The following UBN1 variants were observed in gnomAD, a reference collection of about 807,000 sequenced individuals.
UBN1 encodes ubinuclein 1, also known as ubinuclein-1.
Under a neutral mutation model 108.5 loss-of-function variants are expected in UBN1, and 17 were observed. The ratio of observed to expected loss-of-function variants is 0.16; its 90% CI spans 0.11 to 0.24. The LOEUF is 0.24. Among genes scored for constraint, UBN1 ranks in the 10% least tolerant of loss-of-function variants. UBN1 has a pLI of 1.00. For missense variants in UBN1, 1,595 were observed against 1,394.4 expected, an observed-to-expected ratio of 1.14 and a Z score of -2.29; for synonymous variants, 726 against 564.2, an observed-to-expected ratio of 1.29 and a Z score of -4.07.
chr16:4,868,091 A>G (rs554691633), intron 7 of UBN1, among the ~76,000 whole-genome samples: 3 of 152,270 alleles, frequency 2.0e-5, no homozygotes, highest in East Asian at 3.9e-4. Flanking sequence ...GGGAATTCCA[A>G]TATGCAACCA....
rs753003762 is a variant in UBN1, at chr16:4,874,405, G to A, written c.1995G>A (p.Leu665=). The change falls in exon 15 of 18, where the codon TTG becomes TTA. Residue 665 remains leucine (L), a synonymous_variant. Coordinates refer to ENST00000262376, the MANE Select transcript of UBN1 (RefSeq NM_001079514.3). ...TGGAGGACTCATTGGATGAAGACTT[G>A]ATCCGCAATCCAGCCTCCTCGGTGG... is the stretch of plus-strand genomic sequence containing the variant. ...VNLEDSLDED[L]IRNPASSVEA... 3.7e-6 allele frequency: 6 copies of A among 1,613,904 alleles called. No individual in the cohort carries two copies. The highest frequency in any genetic ancestry group is 1.6e-4 in the Middle Eastern group (1 of 6,084).
At chr16:4,873,001 A>C in intron 13 of UBN1, 30 bp from the exon 14 acceptor site, 1 of 1,614,166 alleles carries the variant, frequency 6.2e-7, no homozygotes, top group South Asian at 1.1e-5. Context: ...GATATTCTCT[A>C]AACTTTTCTG....
intron 7 of UBN1, among the ~76,000 whole-genome samples, chr16:4,862,897 G>T (rs888914229): frequency 6.6e-6 from 1 of 152,220 alleles, no homozygotes; most frequent in African/African-American, 2.4e-5. Flanking sequence ...ACAAACACAG[G>T]GTTCAGGATC....
At chr16:4,869,828 G>A (rs550566082) in intron 8 of UBN1, among the ~76,000 whole-genome samples, 1 of 152,256 alleles carries the variant, frequency 6.6e-6, no homozygotes, top group East Asian at 1.9e-4. Context: ...ATAAACGTGG[G>A]GACTGGGGGA....
intron 8 of UBN1, among the ~76,000 whole-genome samples, chr16:4,869,369 G>A (rs1467098545): frequency 6.6e-6 from 1 of 152,234 alleles, no homozygotes; most frequent in South Asian, 2.1e-4. Context: ...CCCTAATGCT[G>A]TTCCCACATG....
At chr16:4,850,126 T>A (rs1313722718) in intron 1 of UBN1, among the ~76,000 whole-genome samples, 1 of 152,160 alleles carries the variant, frequency 6.6e-6, no homozygotes, top group Non-Finnish European at 1.5e-5. Context: ...CATTGTTAAA[T>A]ATATTGGATT....
intron 7 of UBN1, among the ~76,000 whole-genome samples, chr16:4,868,120 C>T (rs2087426319): frequency 6.6e-6 from 1 of 152,206 alleles, no homozygotes; most frequent in Non-Finnish European, 1.5e-5. Flanking sequence ...AACCCTGATG[C>T]AGACTTCCAC....
At position 4,852,217 on chromosome 16, in the gene UBN1, C is replaced by G. The variant is rs1056888595; in HGVS notation, c.-39-662C>G. On this transcript the variant is annotated intron_variant, in intron 1 of 17. Transcript: ENST00000262376. Reference sequence around the variant, plus strand: ...TGGCATGTATTAGCATATTCATATTCTGTGAACATTTGGAATTCTGTATTC... The same window carrying G: ...TGGCATGTATTAGCATATTCATATTGTGTGAACATTTGGAATTCTGTATTC... The G allele has an allele frequency of 1.1e-4, 17 of 152,238 alleles. 1 individual carries two copies. Among genetic ancestry groups the G allele is most frequent in the African/African-American group, 4.1e-4 (17 of 41,456 alleles). The allele number at this position is 152,238 out of a possible 1,614,324, so 9.4% of individuals were successfully genotyped here. A position where few individuals can be genotyped will look rare whatever the true frequency, so the allele number is the denominator to read the frequency against.
chr16:4,879,153 A>G (rs1274855412), intron 17 of UBN1, among the ~76,000 whole-genome samples: 1 of 152,220 alleles, frequency 6.6e-6, no homozygotes, highest in Non-Finnish European at 1.5e-5. Context: ...GGAGGAGGAT[A>G]TTGAACGTCG....
At chr16:4,870,120 G>A (rs751416627) in intron 8 of UBN1, 92 bp from the exon 9 acceptor site, 2 of 1,570,742 alleles carry the variant, frequency 1.3e-6, no homozygotes, top group Non-Finnish European at 1.7e-6. Flanking sequence ...GACTGCCGTT[G>A]GCTCCTAGCT....
At position 4,881,969 on chromosome 16, in the gene UBN1, C is replaced by T. The variant is rs907956051; in HGVS notation, c.*1837C>T. Reference sequence around the variant, plus strand: ...TCCCTCCTCCCCACGTACCATTGCGCGTGCAGCTGGAGCAGAATACCCTCA... The same window carrying T: ...TCCCTCCTCCCCACGTACCATTGCGTGTGCAGCTGGAGCAGAATACCCTCA... On this transcript the variant is annotated 3_prime_UTR_variant, in exon 18 of 18. Transcript: ENST00000262376. 2.6e-5 allele frequency: 4 copies of T among 152,158 alleles called. No individual in the cohort carries two copies. Among genetic ancestry groups the T allele is most frequent in the African/African-American group, 7.3e-5 (3 of 41,272 alleles). 9.4% of individuals were successfully genotyped at this position (152,158 alleles called of 1,614,324 possible).
intron 8 of UBN1, 126 bp from the exon 9 acceptor site, chr16:4,870,086 T>A (rs1042114166): frequency 7.1e-7 from 1 of 1,404,720 alleles, no homozygotes; most frequent in Non-Finnish European, 9.7e-7. Context: ...TCAGTTACAT[T>A]GTGTGACCAA....
At chr16:4,875,600 C>T (rs2087843463) in intron 15 of UBN1, among the ~76,000 whole-genome samples, 166 bp downstream of exon 15, 1 of 152,198 alleles carries the variant, frequency 6.6e-6, no homozygotes, top group South Asian at 2.1e-4. Flanking sequence ...CTCAGGTATT[C>T]ACTTTTCTGG....
chr16:4,854,483 A>C (rs2086703507), intron 2 of UBN1, among the ~76,000 whole-genome samples: 1 of 148,170 alleles, frequency 6.7e-6, no homozygotes, highest in Non-Finnish European at 1.5e-5. Flanking sequence ...AGCTAGGATT[A>C]CGGGTGCCAG....
rs1165206075 is a variant in UBN1 at position 4,872,145 on chromosome 16, G to A, written c.1707-739G>A. The A allele has an allele frequency of 3.1e-6, 3 of 972,734 alleles. No individual in the cohort carries two copies. The African/African-American group carries it at 5.3e-5, about 17-fold the overall frequency. 60.3% of individuals were successfully genotyped at this position (972,734 alleles called of 1,614,324 possible). On this transcript the variant is annotated intron_variant, in intron 12 of 17. Coordinates refer to ENST00000262376, the MANE Select transcript of UBN1 (RefSeq NM_001079514.3). ...TTGGACTCGAATCATCTGTTGTGCG[G>A]ATAGATCTTGGAACCTTTGAAATTG...
intron 2 of UBN1, 145 bp from the exon 3 acceptor site, chr16:4,857,845 T>G (rs2086884498): frequency 1.6e-6 from 1 of 637,314 alleles, no homozygotes; most frequent in Admixed American, 2.9e-5. Flanking sequence ...AGATAAACAT[T>G]GATGAGATGG....
chr16:4,872,172 T>C (rs776210443), intron 12 of UBN1: 2 of 984,060 alleles, frequency 2.0e-6, no homozygotes, highest in Non-Finnish European at 1.2e-6. Flanking sequence ...TTGAAATTGC[T>C]GTCCTCTCTA....
chr16:4,871,035 C>G, intron 11 of UBN1, 63 bp downstream of exon 11: 1 of 1,606,656 alleles, frequency 6.2e-7, no homozygotes, highest in Non-Finnish European at 8.5e-7. Context: ...GAGCACGTCC[C>G]CTATTGCTGA....
intron 15 of UBN1, 136 bp from the exon 16 acceptor site, chr16:4,876,735 C>G (rs2142289886): frequency 7.1e-7 from 1 of 1,406,674 alleles, no homozygotes. Flanking sequence ...GAGGGTGCCT[C>G]CCAGGGCCAT....
Sources: allele counts gnomAD v4.1 joint callset (sites outside exome capture counted in the v4.1 genomes callset), GRCh38; gene constraint gnomAD v4.1.1; transcripts MANE v1.5; gene names NCBI Gene and HGNC (gene_info 2026-07-23, HGNC 2026-07-21).